The following SPTB variants were observed in gnomAD, a reference collection of about 807,000 sequenced individuals.
The protein encoded by SPTB is spectrin beta, erythrocytic.
Under a neutral mutation model 256.2 loss-of-function variants are expected in SPTB, and 45 were observed. That is an observed-to-expected ratio of 0.18 (90% CI 0.14 to 0.23). The LOEUF is 0.23. Ranked by LOEUF, SPTB falls within the 10% of genes least tolerant of loss-of-function variation. The pLI is 1.00. For synonymous variants in SPTB, 1,231 were observed against 1,243.1 expected (o/e 0.99, Z 0.21); for missense variants, 2,715 against 3,040.4 (o/e 0.89, Z 2.52).
In SPTB at chr14:64,784,410, T is replaced by A; in HGVS notation, c.3856-17A>T. The A allele has an allele frequency of 6.2e-7, 1 of 1,613,796 alleles. No homozygotes were observed. Among genetic ancestry groups the A allele is most frequent in the Non-Finnish European group, 8.5e-7 (1 of 1,179,988 alleles). On this transcript the variant is annotated splice_polypyrimidine_tract_variant and intron_variant, in intron 18 of 35. Coordinates refer to ENST00000644917, the MANE Select transcript of SPTB (RefSeq NM_001355436.2). ...GAGAGTGAGCTGTGTGCATAAAGAG[T>A]GGGCTGACTATCCCTGAGTATATTT... is the stretch of plus-strand genomic sequence containing the variant.
At chr14:64,865,810 G>T (rs920739563) in intron 1 of SPTB, among the ~76,000 whole-genome samples, 1 of 152,206 alleles carries the variant, frequency 6.6e-6, no homozygotes, top group Non-Finnish European at 1.5e-5. Flanking sequence ...CAGAGCAGCT[G>T]CTTTGATTCT....
chr14:64,864,293 A>AC (rs1882026968), intron 1 of SPTB, among the ~76,000 whole-genome samples: 1 of 8,852 alleles, frequency 1.1e-4, no homozygotes, highest in Non-Finnish European at 1.3e-3. Flanking sequence ...TTCATCTCTT[A>AC]AAAAAAAAGG....
Position 64,772,595 on chromosome 14 carries a change from G to C in SPTB, c.5538C>G (p.His1846Gln). The part of the protein sequence containing the change: ...RVHTAFEREL[H>Q]LLGVQVQQFQ... ...CTGAAGGTACCTGGACACCCAGCAG[G>C]TGGAGCTCCCGCTCGAAGGCTGTGT... is the stretch of plus-strand genomic sequence containing the variant. The change falls in exon 26 of 36, where the codon CAC (histidine) becomes CAG (glutamine). Residue 1846 changes from histidine to glutamine, a missense_variant. His to Gln is a conservative substitution (Grantham distance 24). This residue lies in a region of SPTB where 2,239 missense variants were observed against 2,384.4 expected (regional missense o/e 0.94). Coordinates refer to ENST00000644917, the MANE Select transcript of SPTB (RefSeq NM_001355436.2). This position sits in a 1 kb window ranked among gnomAD's most constrained non-coding sequence, Gnocchi z 5.4. 6.2e-7 allele frequency: 1 copy of C among 1,608,786 alleles called. No individual in the cohort carries two copies. Among genetic ancestry groups the C allele is most frequent in the Non-Finnish European group, 8.5e-7 (1 of 1,179,910 alleles).
chr14:64,772,976 A>G lies in SPTB; in HGVS notation c.5179-22T>C, dbSNP rs764508986. ...GAAGCTAGGCATGGGGCAGACAGAA[A>G]TGTGGTTATGGGGGGCACAGGGGTT... is the stretch of plus-strand genomic sequence containing the variant. On this transcript the variant is annotated intron_variant, in intron 25 of 35. Coordinates refer to ENST00000644917, the MANE Select transcript of SPTB (RefSeq NM_001355436.2). The surrounding 1 kb of genome is among the most constrained non-coding windows in gnomAD (Gnocchi z 5.4). 6.3e-7 allele frequency: 1 copy of G among 1,593,738 alleles called. No individual in the cohort carries two copies. The highest frequency in any genetic ancestry group is 1.3e-5 in the African/African-American group (1 of 74,860).
At position 64,823,264 on chromosome 14, in the gene SPTB, C is replaced by T. The variant is rs2083325988; in HGVS notation, c.-51-119G>A. ...TCCTGACAGAAGCAGAACGCCATGT[C>T]ATCTGCCTGGGCGTGCTTCCTACCA... On this transcript the variant is annotated intron_variant, in intron 1 of 35. Coordinates refer to ENST00000644917, the MANE Select transcript of SPTB (RefSeq NM_001355436.2). The surrounding 1 kb of genome is among the most constrained non-coding windows in gnomAD (Gnocchi z 6.5). 1.3e-6 allele frequency: 1 copy of T among 754,972 alleles called. No homozygotes were observed. The highest frequency in any genetic ancestry group is 1.5e-5 in the South Asian group (1 of 65,378). The allele number at this position is 754,972 out of a possible 1,614,324, so 46.8% of individuals were successfully genotyped here. A position where few individuals can be genotyped will look rare whatever the true frequency, so the allele number is the denominator to read the frequency against.
chr14:64,822,372 T>TCACACACACACACACACACACACACA (rs1355459775), intron 2 of SPTB, among the ~76,000 whole-genome samples: 3 of 2,426 alleles, frequency 1.2e-3, no homozygotes, highest in African/African-American at 1.2e-3. Context: ...TCTCTCTCTC[T>TCACACACACACACACACACACACACA]CTCACACACA....
rs2082879438 is a variant in SPTB, at chr14:64,801,218, T to A, written c.763+67A>T. ...CCTCCAGAAGTCCTGGCGGCTGAGC[T>A]CCTCTAGCACAGCGAGTGCATCCCC... On this transcript the variant is annotated intron_variant, in intron 7 of 35. Transcript: ENST00000644917. The A allele has an allele frequency of 2.9e-6, 4 of 1,397,688 alleles. No homozygotes were observed. In the Admixed American group the frequency reaches 5.2e-5, roughly 18 times the overall value. The allele number at this position is 1,397,688 out of a possible 1,614,324, so 86.6% of individuals were successfully genotyped here.
In SPTB at chr14:64,786,875, C is replaced by T. The variant is rs753992916; in HGVS notation, c.3090G>A (p.Glu1030=). ...AGTGTTTTTGCCGCTGACCAATATC[C>T]TCCTTCTGCTCAGGGTGCGAGTCCA... is the stretch of plus-strand genomic sequence containing the variant. ...QLMDSHPEQK[E]DIGQRQKHLE... The change falls in exon 16 of 36, where the codon GAG becomes GAA. Residue 1030 remains glutamate, a synonymous_variant. Coordinates refer to ENST00000644917, the MANE Select transcript of SPTB (RefSeq NM_001355436.2). The surrounding 1 kb of genome is among the most constrained non-coding windows in gnomAD (Gnocchi z 5.6). 6.2e-7 allele frequency: 1 copy of T among 1,613,010 alleles called. No individual in the cohort carries two copies. Among genetic ancestry groups the T allele is most frequent in the Non-Finnish European group, 8.5e-7 (1 of 1,180,042 alleles).
rs2083341543 is a variant in SPTB at position 64,824,108 on chromosome 14, A to G, written c.-51-963T>C. Among the ~76,000 whole-genome samples the G allele has an allele frequency of 6.6e-6, 1 of 152,174 alleles. No homozygotes were observed. Among genetic ancestry groups the G allele is most frequent in the Non-Finnish European group, 1.5e-5 (1 of 68,026 alleles). On this transcript the variant is annotated intron_variant, in intron 1 of 35. Coordinates refer to ENST00000644917, the MANE Select transcript of SPTB (RefSeq NM_001355436.2). The surrounding 1 kb of genome is among the most constrained non-coding windows in gnomAD (Gnocchi z 5.7). ...AGACAGGAAAGTCATGTCCTCACAGAGCTTGGAATCTGGTGGCAGAGACAC... is the reference window on the plus strand; with the variant it reads ...AGACAGGAAAGTCATGTCCTCACAGGGCTTGGAATCTGGTGGCAGAGACAC...
Position 64,824,944 on chromosome 14 carries a change from G to A in SPTB, c.-51-1799C>T, listed in dbSNP as rs2083353925. On this transcript the variant is annotated intron_variant, in intron 1 of 35. Transcript: ENST00000644917. The surrounding 1 kb of genome is among the most constrained non-coding windows in gnomAD (Gnocchi z 5.7). ...TAATTGCCTTGGGAGAAAAACCAAG[G>A]CCTGCTGCAGGAGGAGGCCTCCCCA... is the stretch of plus-strand genomic sequence containing the variant. Among the ~76,000 whole-genome samples the A allele has an allele frequency of 6.6e-6, 1 of 152,160 alleles. No homozygotes were observed. Among genetic ancestry groups the A allele is most frequent in the Admixed American group, 6.5e-5 (1 of 15,282 alleles).
At chr14:64,782,610 C>T in intron 19 of SPTB, 57 bp from the exon 20 acceptor site, 1 of 1,607,904 alleles carries the variant, frequency 6.2e-7, no homozygotes, top group South Asian at 1.1e-5. Context: ...TTGGATCAGC[C>T]CTGCTCCTGA....
At position 64,760,822 on chromosome 14, in the gene SPTB, G is replaced by A. The variant is rs912839079; in HGVS notation, c.6345+5904C>T. On this transcript the variant is annotated intron_variant, in intron 32 of 35. Coordinates refer to ENST00000644917, the MANE Select transcript of SPTB (RefSeq NM_001355436.2). This position sits in a 1 kb window ranked among gnomAD's most constrained non-coding sequence, Gnocchi z 4.3. The stretch of plus-strand genomic sequence containing the variant: ...AGGGAAACTGGGGGTCGTACAGAAT[G>A]AGTGACCTGTCCATAGTCACACATT... 1.3e-5 allele frequency among the ~76,000 whole-genome samples: 2 copies of A among 152,218 alleles called. No homozygotes were observed. The highest frequency in any genetic ancestry group is 2.9e-5 in the Non-Finnish European group (2 of 68,034).
intron 1 of SPTB, among the ~76,000 whole-genome samples, chr14:64,837,589 T>A (rs369349144): frequency 1.3e-5 from 2 of 152,176 alleles, no homozygotes; most frequent in African/African-American, 4.8e-5. Flanking sequence ...ATCAACAAGC[T>A]GATTTATTTT....
intron 33 of SPTB, 113 bp downstream of exon 33, chr14:64,753,424 G>A (rs2081978327): frequency 6.5e-7 from 1 of 1,545,430 alleles, no homozygotes; most frequent in Admixed American, 1.7e-5. Context: ...CACAGGCCAA[G>A]GCAGAAGGCA....
rs1254273356 is a variant in SPTB at position 64,826,951 on chromosome 14, T to C, written c.-51-3806A>G. Among the ~76,000 whole-genome samples, 1 of 152,186 alleles carries C rather than the reference T, an allele frequency of 6.6e-6. No individual in the cohort carries two copies. The highest frequency in any genetic ancestry group is 2.4e-5 in the African/African-American group (1 of 41,440). On this transcript the variant is annotated intron_variant, in intron 1 of 35. Transcript: ENST00000644917. This position sits in a 1 kb window ranked among gnomAD's most constrained non-coding sequence, Gnocchi z 4.4. ...GGACTCAGCTCACAGAAGGAACATG[T>C]ACTTATTAATGCATTTCACAATACC...
Position 64,760,475 on chromosome 14 carries a change from G to A in SPTB, c.6345+6251C>T, listed in dbSNP as rs184803472. The stretch of plus-strand genomic sequence containing the variant: ...GGTTCTGAAGATGCTCAGAGAACCC[G>A]GATGCATTTACAAGCAAAGAACACA... On this transcript the variant is annotated intron_variant, in intron 32 of 35. Transcript: ENST00000644917. This position sits in a 1 kb window ranked among gnomAD's most constrained non-coding sequence, Gnocchi z 4.3. Among the ~76,000 whole-genome samples the A allele has an allele frequency of 3.0e-4, 45 of 152,218 alleles. No homozygotes were observed. Among genetic ancestry groups the A allele is most frequent in the African/African-American group, 9.6e-4 (40 of 41,526 alleles).
intron 1 of SPTB, among the ~76,000 whole-genome samples, chr14:64,871,453 C>A (rs192059944): frequency 1.3e-5 from 2 of 152,278 alleles, no homozygotes; most frequent in Admixed American, 1.3e-4. Flanking sequence ...AGAGAAGAAC[C>A]ACTGGTGGCT....
chr14:64,784,817 T>C (rs229633), intron 18 of SPTB, among the ~76,000 whole-genome samples: 5,439 of 152,258 alleles, frequency 0.036, 346 homozygotes, highest in African/African-American at 0.12. Context: ...CAGAGGTCAA[T>C]GAAAACAAAG....
Position 64,748,862 on chromosome 14 carries a change from T to C in SPTB, c.*444A>G, listed in dbSNP as rs1323039093. ...TCCCCTTTCCCTGGCTGCCACCAGG[T>C]GGGAGGTGACCCGAAGCAAGACTTG... On this transcript the variant is annotated 3_prime_UTR_variant, in exon 36 of 36. Transcript: ENST00000644917. 5.9e-6 allele frequency: 1 copy of C among 169,350 alleles called. No individual in the cohort carries two copies. The highest frequency in any genetic ancestry group is 2.4e-5 in the African/African-American group (1 of 41,214). 10.5% of individuals were successfully genotyped at this position (169,350 alleles called of 1,614,324 possible).
Sources: gnomAD v4.1 joint callset for allele counts (sites outside exome capture counted in the v4.1 genomes callset) on GRCh38, gnomAD v4.1.1 for gene constraint, gnomAD v4.1.1 regional missense constraint, Gnocchi (gnomAD v3.1) non-coding constraint, MANE v1.5 for transcripts, NCBI Gene and HGNC (gene_info 2026-07-23, HGNC 2026-07-21) for gene names.